PDE6A: variants seen among roughly 807,000 people sequenced by gnomAD.
PDE6A encodes phosphodiesterase 6A, also known as rod cGMP-specific 3',5'-cyclic phosphodiesterase subunit alpha.
A neutral mutation model predicts 106.3 loss-of-function variants in PDE6A; 84 were observed. That is an observed-to-expected ratio of 0.79 (90% CI 0.66 to 0.95). The LOEUF (loss-of-function observed/expected upper bound fraction) is 0.95, where lower values mean the gene tolerates loss of function less well. PDE6A is among the 40% of genes least tolerant of loss of function. The probability of loss-of-function intolerance (pLI) is 0.00; values close to 1 mark genes in which losing one functional copy is unlikely to be tolerated. For synonymous variants in PDE6A, 394 were observed against 386.6 expected (o/e 1.02, Z -0.23); for missense variants, 1,052 against 1,084.9 (o/e 0.97, Z 0.43).
chr5:149,888,940 A>G (rs1213263761), intron 13 of PDE6A, among the ~76,000 whole-genome samples: 4 of 151,864 alleles, frequency 2.6e-5, no homozygotes, highest in African/African-American at 9.7e-5. Flanking sequence ...AAAATTAGCC[A>G]GGCATGGTGG....
chr5:149,896,852 C>T (rs1341743626), intron 10 of PDE6A, 76 bp from the exon 11 acceptor site: 2 of 1,507,712 alleles, frequency 1.3e-6, no homozygotes, highest in Non-Finnish European at 1.8e-6. Context: ...CATTTATCTC[C>T]TTCCTCCAAA....
At chr5:149,918,359 A>T (rs2113634339) in intron 5 of PDE6A, among the ~76,000 whole-genome samples, 1 of 152,350 alleles carries the variant, frequency 6.6e-6, no homozygotes, top group Admixed American at 6.5e-5. Flanking sequence ...TGAAAAAAGC[A>T]AGGCACAAAA....
At chr5:149,942,472 C>T (rs1465630625) in intron 1 of PDE6A, among the ~76,000 whole-genome samples, 1 of 152,154 alleles carries the variant, frequency 6.6e-6, no homozygotes, top group Non-Finnish European at 1.5e-5. Flanking sequence ...CAGGTGTGAA[C>T]TGAAGGGGGC....
intron 3 of PDE6A, among the ~76,000 whole-genome samples, chr5:149,931,549 A>C (rs1251301676): frequency 6.6e-6 from 1 of 152,246 alleles, no homozygotes. Context: ...AATCTGTACA[A>C]GTACCTAATG....
At position 149,931,161 on chromosome 5, in the gene PDE6A, A is replaced by G. The variant is rs1483015626; in HGVS notation, c.725T>C (p.Leu242Pro). The G allele has an allele frequency of 1.2e-6, 2 of 1,614,176 alleles. No homozygotes were observed. Among genetic ancestry groups the G allele is most frequent in the Non-Finnish European group, 1.7e-6 (2 of 1,180,022 alleles). ...NCETRRGQILLWSGSKVFEEL... is the reference protein window; with the variant it reads ...NCETRRGQILPWSGSKVFEEL... ...TTCAAAGACTTTGCTCCCAGACCAC[A>G]GCAGTATCTGAAAAAACACAAAAAC... Residue 242 changes from leucine to proline, a missense_variant, in exon 4 of 22, where the codon CTG becomes CCG. This residue lies in a region of PDE6A where 913 missense variants were observed against 915.2 expected (regional missense o/e 1.00). Coordinates refer to ENST00000255266, the MANE Select transcript of PDE6A (RefSeq NM_000440.3).
intron 17 of PDE6A, among the ~76,000 whole-genome samples, chr5:149,880,905 C>A (rs112440182): frequency 6.6e-6 from 1 of 151,706 alleles, no homozygotes; most frequent in East Asian, 1.9e-4. Context: ...CCAAAAAATA[C>A]AAAAAAATTT....
At chr5:149,892,014 A>G (rs1752563876) in intron 13 of PDE6A, among the ~76,000 whole-genome samples, 1 of 152,160 alleles carries the variant, frequency 6.6e-6, no homozygotes, top group Non-Finnish European at 1.5e-5. Flanking sequence ...TTAAAAAGCT[A>G]TTAGAAAATA....
In PDE6A at chr5:149,863,376, A is replaced by T. The variant is rs578146250; in HGVS notation, c.2359-110T>A. 1 of 1,119,736 alleles carries T rather than the reference A, an allele frequency of 8.9e-7. No homozygotes were observed. Among genetic ancestry groups the T allele is most frequent in the East Asian group, 2.5e-5 (1 of 40,374 alleles). The allele number at this position is 1,119,736 out of a possible 1,614,324, so 69.4% of individuals were successfully genotyped here. A position where few individuals can be genotyped will look rare whatever the true frequency, so the allele number is the denominator to read the frequency against. On this transcript the variant is annotated intron_variant, in intron 20 of 21. Coordinates refer to ENST00000255266, the MANE Select transcript of PDE6A (RefSeq NM_000440.3). This position sits in a 1 kb window ranked among gnomAD's most constrained non-coding sequence, Gnocchi z 4.7. ...ACACTGGAATGAGCTGCTTCGGAGT[A>T]GCAGGCCTCCCGCCACCGTGCTGAT...
intron 4 of PDE6A, among the ~76,000 whole-genome samples, chr5:149,927,334 C>T (rs139320433): frequency 2.6e-4 from 39 of 152,236 alleles, no homozygotes; most frequent in Middle Eastern, 3.4e-3. Flanking sequence ...CATTACTGTA[C>T]GCTACTATAG....
At chr5:149,884,322 A>G (rs191533143) in intron 16 of PDE6A, among the ~76,000 whole-genome samples, 157 bp downstream of exon 16, 258 of 147,912 alleles carry the variant, frequency 1.7e-3, no homozygotes, top group African/African-American at 6.0e-3. Context: ...ATATGTATAT[A>G]TGTGTATATA....
At chr5:149,925,589 C>T (rs1449875256) in intron 4 of PDE6A, among the ~76,000 whole-genome samples, 1 of 151,718 alleles carries the variant, frequency 6.6e-6, no homozygotes, top group Non-Finnish European at 1.5e-5. Context: ...CACTCATAGT[C>T]CCAGCTTCTC....
chr5:149,936,795 T>A (rs964734439), intron 1 of PDE6A, among the ~76,000 whole-genome samples: 1 of 152,218 alleles, frequency 6.6e-6, no homozygotes, highest in African/African-American at 2.4e-5. Flanking sequence ...CCACGATTAC[T>A]TTTGCACCAA....
chr5:149,935,933 C>T lies in PDE6A; in HGVS notation c.475-1215G>A, dbSNP rs551386343. ...TTGGAAGGCCAAGGTGGGAGTATTG[C>T]TTGCGTTCAGTAGTCCAAGACCAGC... On this transcript the variant is annotated intron_variant, in intron 1 of 21. Coordinates refer to ENST00000255266, the MANE Select transcript of PDE6A (RefSeq NM_000440.3). Among the ~76,000 whole-genome samples, 5 of 152,296 alleles carry T rather than the reference C, an allele frequency of 3.3e-5. No homozygotes were observed. The South Asian group carries it at 8.3e-4, about 25-fold the overall frequency.
chr5:149,893,861 C>A (rs1014837162), intron 13 of PDE6A, among the ~76,000 whole-genome samples: 2 of 152,136 alleles, frequency 1.3e-5, no homozygotes, highest in Non-Finnish European at 2.9e-5. Context: ...ACTCATGCTC[C>A]CAGATAGCTT....
At chr5:149,923,470 C>G (rs1436363626) in intron 4 of PDE6A, among the ~76,000 whole-genome samples, 1 of 151,902 alleles carries the variant, frequency 6.6e-6, no homozygotes, top group Non-Finnish European at 1.5e-5. Flanking sequence ...TGCCCTCCAG[C>G]CTGGGTGACA....
intron 17 of PDE6A, among the ~76,000 whole-genome samples, chr5:149,873,367 T>C (rs1760628235): frequency 6.6e-6 from 1 of 151,410 alleles, no homozygotes; most frequent in African/African-American, 2.4e-5. Flanking sequence ...AGTCTCACTC[T>C]GTTTCCCAGG....
intron 6 of PDE6A, among the ~76,000 whole-genome samples, chr5:149,910,265 TTTCAGTCTTTTATG>T (rs1753333749): frequency 2.0e-5 from 3 of 152,228 alleles, no homozygotes; most frequent in Admixed American, 6.5e-5. Flanking sequence ...GTATGTCTTT[TTTCAGTCTTTTATG>T]TTCAACCTCT....
Position 149,921,718 on chromosome 5 carries a change from G to C in PDE6A, c.859-9C>G. 6.2e-7 allele frequency: 1 copy of C among 1,608,654 alleles called. No individual in the cohort carries two copies. The stretch of plus-strand genomic sequence containing the variant: ...CACACATCAAAAAATTCCTAGGAAT[G>C]AGAAAAACAATAATTACATGTTTTG... On this transcript the variant is annotated splice_polypyrimidine_tract_variant and intron_variant, in intron 4 of 21. Transcript: ENST00000255266.
intron 3 of PDE6A, among the ~76,000 whole-genome samples, chr5:149,933,410 C>G (rs1208682696): frequency 6.6e-6 from 1 of 152,220 alleles, no homozygotes. Context: ...CAGGCGTGAG[C>G]CACCATGCCC....
Sources: gnomAD v4.1 joint callset for allele counts (sites outside exome capture counted in the v4.1 genomes callset) on GRCh38, gnomAD v4.1.1 for gene constraint, gnomAD v4.1.1 regional missense constraint, Gnocchi (gnomAD v3.1) non-coding constraint, MANE v1.5 for transcripts, NCBI Gene and HGNC (gene_info 2026-07-23, HGNC 2026-07-21) for gene names.